Variants in DNAJC5B observed in about 807,000 individuals in gnomAD.
The protein encoded by DNAJC5B is dnaJ homolog subfamily C member 5B.
DNAJC5B carries 23 observed loss-of-function variants against 24.7 expected under a neutral mutation model. The observed-to-expected ratio is 0.93, with a 90% CI of 0.67 to 1.32. The LOEUF (loss-of-function observed/expected upper bound fraction) is 1.32. Ranked by LOEUF, DNAJC5B falls within the 40% of genes most tolerant of loss-of-function variation. The pLI, the probability that DNAJC5B is intolerant of heterozygous loss-of-function variation, is 0.00. For missense variants in DNAJC5B, 238 were observed against 240.8 expected (o/e 0.99, Z 0.08); for synonymous variants, 101 against 90.1 (o/e 1.12, Z -0.68).
Position 66,030,648 on chromosome 8 carries a change from T to G in DNAJC5B, c.-142+8943T>G, listed in dbSNP as rs555705484. 5.9e-5 allele frequency among the ~76,000 whole-genome samples: 9 copies of G among 152,202 alleles called. No individual in the cohort carries two copies. In the East Asian group the frequency reaches 1.7e-3, roughly 29 times the overall value. ...GGCATGTTCTTTTTTTTTCTTTTCT[T>G]TTTTCTGAGACAGTGTCTTGCTCTG... On this transcript the variant is annotated intron_variant, in intron 1 of 5. Coordinates refer to ENST00000276570, the MANE Select transcript of DNAJC5B (RefSeq NM_033105.6).
intron 3 of DNAJC5B, among the ~76,000 whole-genome samples, chr8:66,053,176 A>G (rs1157681958): frequency 6.6e-6 from 1 of 152,134 alleles, no homozygotes; most frequent in Non-Finnish European, 1.5e-5. Context: ...GATTCAAGTA[A>G]TCCTCCCACC....
chr8:66,075,210 G>C lies in DNAJC5B; in HGVS notation c.120-1450G>C, dbSNP rs545138691. On this transcript the variant is annotated intron_variant, in intron 3 of 5. Transcript: ENST00000276570. ...GCCTCCTGAGTAGATGGGATTACAG[G>C]TATGTGCCACCACACCTGGCTAATT... 2.0e-5 allele frequency among the ~76,000 whole-genome samples: 3 copies of C among 152,266 alleles called. No individual in the cohort carries two copies. In the South Asian group the frequency reaches 6.2e-4, roughly 32 times the overall value.
At chr8:66,022,934 T>C (rs1586056134) in intron 1 of DNAJC5B, among the ~76,000 whole-genome samples, 1 of 152,230 alleles carries the variant, frequency 6.6e-6, no homozygotes, top group East Asian at 1.9e-4. Flanking sequence ...AAACTAAGTT[T>C]AAGCTGAACC....
At chr8:66,030,380 T>C (rs1032144895) in intron 1 of DNAJC5B, among the ~76,000 whole-genome samples, 1 of 152,236 alleles carries the variant, frequency 6.6e-6, no homozygotes, top group Admixed American at 6.5e-5. Context: ...ATGTCCTTTA[T>C]TCCTACCTAG....
At chr8:66,078,455 A>G (rs575712720) in intron 4 of DNAJC5B, among the ~76,000 whole-genome samples, 83 of 152,286 alleles carry the variant, frequency 5.5e-4, no homozygotes, top group African/African-American at 1.4e-3. Context: ...GTACTGTACT[A>G]AGCACTGTAA....
intron 3 of DNAJC5B, among the ~76,000 whole-genome samples, chr8:66,074,803 A>G (rs1172591085): frequency 6.6e-6 from 1 of 152,150 alleles, no homozygotes; most frequent in Non-Finnish European, 1.5e-5. Flanking sequence ...TCTGCTCACC[A>G]TACTTCCCGA....
chr8:66,033,689 T>A (rs547637496), intron 1 of DNAJC5B, among the ~76,000 whole-genome samples: 1 of 151,696 alleles, frequency 6.6e-6, no homozygotes, highest in Non-Finnish European at 1.5e-5. Context: ...GCCGAACACT[T>A]CCACAAGGAA....
chr8:66,016,911 T>C (rs1805968942), upstream of DNAJC5B, among the ~76,000 whole-genome samples: 1 of 152,220 alleles, frequency 6.6e-6, no homozygotes, highest in South Asian at 2.1e-4. Context: ...GTGTCTCATG[T>C]TTGGTTTAAA....
chr8:66,070,309 C>A (rs1807317873), intron 3 of DNAJC5B, among the ~76,000 whole-genome samples: 1 of 152,140 alleles, frequency 6.6e-6, no homozygotes, highest in Non-Finnish European at 1.5e-5. Context: ...TTTAGAAAAC[C>A]CCATTGTCTC....
chr8:66,073,839 A>G (rs925363438), intron 3 of DNAJC5B, among the ~76,000 whole-genome samples: 1 of 152,206 alleles, frequency 6.6e-6, no homozygotes, highest in African/African-American at 2.4e-5. Flanking sequence ...TCAATGGGCC[A>G]TAGACTTCCA....
intron 3 of DNAJC5B, among the ~76,000 whole-genome samples, chr8:66,067,174 C>T (rs1249838856): frequency 6.7e-6 from 1 of 149,286 alleles, no homozygotes; most frequent in Non-Finnish European, 1.5e-5. Context: ...TGAAAGAACA[C>T]ACCCCCCACC....
At chr8:66,065,087 C>T (rs1200701858) in intron 3 of DNAJC5B, among the ~76,000 whole-genome samples, 2 of 152,234 alleles carry the variant, frequency 1.3e-5, no homozygotes, top group South Asian at 2.1e-4. Context: ...GATTGAGACA[C>T]AGTGGTTTCA....
chr8:66,100,029 T>C lies in DNAJC5B; in HGVS notation c.598T>C (p.Ter200ArgextTer2). The change falls in exon 6 of 6, where the codon TGA (stop) becomes CGA (arginine). Residue 200 changes from the stop codon to arginine (R), a stop_lost. Transcript: ENST00000276570. ...ATCTCGAAGTTATTGCACAGACTCTTGATATTGAGCCCTCAGAGAGTCCAC... is the reference window on the plus strand; with the variant it reads ...ATCTCGAAGTTATTGCACAGACTCTCGATATTGAGCCCTCAGAGAGTCCAC... ...EGSRSYCTDS[*>R] 2 of 1,613,698 alleles carry C rather than the reference T, an allele frequency of 1.2e-6. No individual in the cohort carries two copies. Among genetic ancestry groups the C allele is most frequent in the Non-Finnish European group, 1.7e-6 (2 of 1,179,740 alleles).
intron 1 of DNAJC5B, among the ~76,000 whole-genome samples, chr8:66,027,759 TC>T (rs1806277939): frequency 1.3e-5 from 2 of 152,166 alleles, no homozygotes; most frequent in South Asian, 4.1e-4. Flanking sequence ...TGACGCTATC[TC>T]CCTCCCCGCA....
upstream of DNAJC5B, among the ~76,000 whole-genome samples, chr8:66,017,207 CTTA>C (rs2128953557): frequency 6.6e-6 from 1 of 152,256 alleles, no homozygotes; most frequent in African/African-American, 2.4e-5. Flanking sequence ...TCTGTGATCA[CTTA>C]TTATTTTAAC....
At chr8:66,052,724 T>G (rs973535286) in intron 3 of DNAJC5B, among the ~76,000 whole-genome samples, 91 of 152,324 alleles carry the variant, frequency 6.0e-4, no homozygotes, top group African/African-American at 2.1e-3. Flanking sequence ...ACTCTGTTAT[T>G]TGTCCCACCT....
At chr8:66,085,552 G>A (rs1487428169) in intron 5 of DNAJC5B, among the ~76,000 whole-genome samples, 2 of 152,086 alleles carry the variant, frequency 1.3e-5, no homozygotes, top group East Asian at 3.9e-4. Flanking sequence ...TAGCCTGGGT[G>A]ACAGAGCGAG....
At chr8:66,096,403 C>A (rs1259374056) in intron 5 of DNAJC5B, among the ~76,000 whole-genome samples, 1 of 152,168 alleles carries the variant, frequency 6.6e-6, no homozygotes, top group Non-Finnish European at 1.5e-5. Context: ...ATAACATAGT[C>A]CTTTTCAAAT....
At chr8:66,090,121 C>T (rs763269514) in intron 5 of DNAJC5B, among the ~76,000 whole-genome samples, 1 of 150,570 alleles carries the variant, frequency 6.6e-6, no homozygotes, top group Non-Finnish European at 1.5e-5. Context: ...CACTTAGACC[C>T]TATACTCCTC....
Sources: gnomAD v4.1 joint callset for allele counts (sites outside exome capture counted in the v4.1 genomes callset) on GRCh38, gnomAD v4.1.1 for gene constraint, MANE v1.5 for transcripts, NCBI Gene and HGNC (gene_info 2026-07-23, HGNC 2026-07-21) for gene names.